The following WWC2 variants were observed in gnomAD, a reference collection of about 807,000 sequenced individuals.
The protein encoded by WWC2 is WW and C2 domain containing 2.
Under a neutral mutation model 138.5 loss-of-function variants are expected in WWC2, and 101 were observed. The ratio of observed to expected loss-of-function variants is 0.73; its 90% CI spans 0.62 to 0.86. WWC2 has a LOEUF of 0.86. WWC2 is among the 40% of genes least tolerant of loss of function. The pLI is 0.00. For missense variants in WWC2, 1,420 were observed against 1,419.4 expected (o/e 1.00, Z -0.01); for synonymous variants, 558 against 538.4 (o/e 1.04, Z -0.50).
At chr4:183,270,409 ATT>A (rs1027894955) in intron 15 of WWC2, among the ~76,000 whole-genome samples, 2 of 150,768 alleles carry the variant, frequency 1.3e-5, no homozygotes, top group African/African-American at 4.9e-5. Context: ...TGGAGTTTTT[ATT>A]TTTTTTTCAG....
intron 1 of WWC2, among the ~76,000 whole-genome samples, chr4:183,170,880 A>G (rs952117457): frequency 3.3e-5 from 5 of 150,496 alleles, no homozygotes; most frequent in South Asian, 4.2e-4. Context: ...GAGTCTCGCT[A>G]TATTTCCTAG....
chr4:183,202,064 G>C (rs1258614943), intron 2 of WWC2, among the ~76,000 whole-genome samples: 2 of 152,150 alleles, frequency 1.3e-5, no homozygotes, highest in African/African-American at 4.8e-5. Flanking sequence ...CCTGTATTGT[G>C]GTTTCCTGGG....
intron 1 of WWC2, among the ~76,000 whole-genome samples, chr4:183,117,781 A>G (rs1732463185): frequency 2.1e-5 from 3 of 140,434 alleles, no homozygotes; most frequent in Admixed American, 7.1e-5. Context: ...GCAGACCTTG[A>G]TTGGGGATCT....
At position 183,099,349 on chromosome 4, in the gene WWC2, C is replaced by CCGCCGCG. The variant is rs1439005125; in HGVS notation, c.-141_-135dup. 3 of 853,570 alleles carry CCGCCGCG rather than the reference C, an allele frequency of 3.5e-6. No individual in the cohort carries two copies. Among genetic ancestry groups the CCGCCGCG allele is most frequent in the African/African-American group, 3.6e-5 (2 of 55,228 alleles). The allele number at this position is 853,570 out of a possible 1,614,324, so 52.9% of individuals were successfully genotyped here. On this transcript the variant is annotated 5_prime_UTR_variant, in exon 1 of 23. Transcript: ENST00000403733. ...CCTGAGGCACCTCCCGCGCGTGGTT[C>CCGCCGCG]CGCCGCGCCCCGCGCCCTGCGCCCC...
At chr4:183,226,943 CCCTGAGGAAATTTGATAAG>C (rs1736092298) in intron 4 of WWC2, among the ~76,000 whole-genome samples, 1 of 152,030 alleles carries the variant, frequency 6.6e-6, no homozygotes, top group Non-Finnish European at 1.5e-5. Flanking sequence ...GCTGGCTTTG[CCCTGAGGAAATTTGATAAG>C]CTAGGTGCAT....
chr4:183,259,681 T>TG lies in WWC2; in HGVS notation c.1240dup (p.Glu414GlyfsTer5). The TG allele has an allele frequency of 6.5e-7, 1 of 1,547,220 alleles. No individual in the cohort carries two copies. Among genetic ancestry groups the TG allele is most frequent in the South Asian group, 1.2e-5 (1 of 81,614 alleles). ...GAAGAAAAGAGCTGCTACAGAAACT[T>TG]GAAGAAACTACTAAATTAACTACTT... On this transcript the variant is annotated frameshift_variant, in exon 10 of 23. Coordinates refer to ENST00000403733, the MANE Select transcript of WWC2 (RefSeq NM_024949.6). LOFTEE classifies it high-confidence loss of function.
chr4:183,292,641 T>C (rs1171483213), intron 21 of WWC2, among the ~76,000 whole-genome samples: 1 of 152,110 alleles, frequency 6.6e-6, no homozygotes. Flanking sequence ...ATTAAAAATC[T>C]ATCCACAAAG....
At chr4:183,227,474 T>C (rs765112336) in intron 4 of WWC2, among the ~76,000 whole-genome samples, 3 of 152,078 alleles carry the variant, frequency 2.0e-5, no homozygotes, top group Non-Finnish European at 4.4e-5. Flanking sequence ...TAGAATTTGA[T>C]CTTCAGATGC....
chr4:183,245,487 T>TA lies in WWC2; in HGVS notation c.678dup (p.Ser227IlefsTer7). The TA allele has an allele frequency of 6.2e-7, 1 of 1,608,714 alleles. No individual in the cohort carries two copies. The highest frequency in any genetic ancestry group is 8.5e-7 in the Non-Finnish European group (1 of 1,177,798). On this transcript the variant is annotated frameshift_variant, in exon 6 of 23. Coordinates refer to ENST00000403733, the MANE Select transcript of WWC2 (RefSeq NM_024949.6). LOFTEE classifies it high-confidence loss of function. ...GAAGCCAAAGCCATTCTAACAGAAC[T>TA]AAAATCTATCAGAAAGGCAATTAGC...
chr4:183,256,154 C>T (rs571012321), intron 9 of WWC2, among the ~76,000 whole-genome samples: 61 of 152,206 alleles, frequency 4.0e-4, no homozygotes, highest in Non-Finnish European at 1.5e-4. Flanking sequence ...ATTTAGTATT[C>T]CAAATAAGTG....
At position 183,253,775 on chromosome 4, in the gene WWC2, T is replaced by A; in HGVS notation, c.972T>A (p.Ile324=). The change falls in exon 9 of 23, where the codon ATT becomes ATA. Residue 324 remains isoleucine (I), a synonymous_variant. Transcript: ENST00000403733. ...EAKRSMANLK[I]ELSKLDSEAW... is the part of the protein sequence containing the mutation. ...TTTTTAGTATGGCCAACTTAAAAAT[T>A]GAACTGTCAAAATTGGACAGTGAGG... 1 of 1,610,174 alleles carries A rather than the reference T, an allele frequency of 6.2e-7. No homozygotes were observed. Among genetic ancestry groups the A allele is most frequent in the Non-Finnish European group, 8.5e-7 (1 of 1,178,948 alleles).
chr4:183,168,920 C>T (rs1408331553), intron 1 of WWC2, among the ~76,000 whole-genome samples: 3 of 152,064 alleles, frequency 2.0e-5, no homozygotes, highest in East Asian at 1.9e-4. Context: ...ACGATCTCGG[C>T]TCGCCACAAC....
intron 1 of WWC2, among the ~76,000 whole-genome samples, chr4:183,106,090 A>C (rs1743347405): frequency 6.6e-6 from 1 of 151,616 alleles, no homozygotes; most frequent in Admixed American, 6.6e-5. Context: ...AGGTTCAAGC[A>C]ATTCTGCCTC....
At chr4:183,249,809 A>G in intron 7 of WWC2, 111 bp from the exon 8 acceptor site, 1 of 802,680 alleles carries the variant, frequency 1.2e-6, no homozygotes, top group Non-Finnish European at 2.0e-6. Flanking sequence ...TCCCGATTTC[A>G]GTACCATCTT....
chr4:183,111,273 A>C (rs1464568570), intron 1 of WWC2, among the ~76,000 whole-genome samples: 4 of 152,092 alleles, frequency 2.6e-5, no homozygotes, highest in African/African-American at 9.7e-5. Flanking sequence ...TTACTAATGG[A>C]CTGTAGAATA....
Position 183,099,473 on chromosome 4 carries a change from G to T in WWC2, c.-19G>T. ...CCCGGTACCTATGGAGGCGCCGCTC[G>T]CCGGCGAGGCCGCCGACCATGCCTA... On this transcript the variant is annotated 5_prime_UTR_variant, in exon 1 of 23. Transcript: ENST00000403733. 1 of 1,284,638 alleles carries T rather than the reference G, an allele frequency of 7.8e-7. No homozygotes were observed. The highest frequency in any genetic ancestry group is 9.9e-7 in the Non-Finnish European group (1 of 1,006,194). 79.6% of individuals were successfully genotyped at this position (1,284,638 alleles called of 1,614,324 possible).
At chr4:183,268,380 T>C (rs1737576671) in intron 14 of WWC2, among the ~76,000 whole-genome samples, 1 of 152,252 alleles carries the variant, frequency 6.6e-6, no homozygotes, top group Non-Finnish European at 1.5e-5. Context: ...CACGGGACTC[T>C]TAAAACAGTT....
At chr4:183,193,924 GTGCCTGCC>G (rs985447150) in intron 2 of WWC2, among the ~76,000 whole-genome samples, 1 of 152,118 alleles carries the variant, frequency 6.6e-6, no homozygotes, top group East Asian at 1.9e-4. Context: ...TCTGGCCCGT[GTGCCTGCC>G]TGCCTGCCTG....
At chr4:183,189,709 G>A (rs1403695696) in intron 1 of WWC2, among the ~76,000 whole-genome samples, 1 of 152,188 alleles carries the variant, frequency 6.6e-6, no homozygotes, top group Non-Finnish European at 1.5e-5. Flanking sequence ...AAAAATAACT[G>A]TTAAGACTTT....
Sources: allele counts gnomAD v4.1 joint callset (sites outside exome capture counted in the v4.1 genomes callset), GRCh38; gene constraint gnomAD v4.1.1; transcripts MANE v1.5; gene names NCBI Gene and HGNC (gene_info 2026-07-23, HGNC 2026-07-21).